Variants in ESPN observed in about 807,000 individuals in gnomAD.
ESPN encodes espin.
Under a neutral mutation model 77.7 loss-of-function variants are expected in ESPN, and 68 were observed. The ratio of observed to expected loss-of-function variants is 0.87; its 90% CI spans 0.72 to 1.07. The LOEUF is 1.07. Ranked by LOEUF, ESPN falls within the 50% of genes least tolerant of loss-of-function variation. The probability of loss-of-function intolerance (pLI) is 0.00; values close to 1 mark genes in which losing one functional copy is unlikely to be tolerated. For missense variants in ESPN, 1,060 were observed against 1,239.0 expected, an observed-to-expected ratio of 0.86 and a Z score of 2.17; for synonymous variants, 449 against 567.1, an observed-to-expected ratio of 0.79 and a Z score of 2.96.
At chr1:6,448,015 C>CT (rs1643880537) in intron 7 of ESPN, 1 of 152,208 alleles carries the variant, frequency 6.6e-6, no homozygotes, top group African/African-American at 2.4e-5. Context: ...GCTGGCTGTG[C>CT]GCGGGTGGCT....
intron 6 of ESPN, 55 bp downstream of exon 6, chr1:6,444,737 T>C: frequency 6.2e-7 from 1 of 1,606,146 alleles, no homozygotes; most frequent in Non-Finnish European, 8.5e-7. Flanking sequence ...GCCAGACTGC[T>C]GGGCTGTGAG....
chr1:6,456,031 C>T, intron 10 of ESPN: 1 of 396,924 alleles, frequency 2.5e-6, no homozygotes, highest in Non-Finnish European at 4.4e-6. Flanking sequence ...CCCCCGCCCG[C>T]CGCGCCTCCC....
In ESPN at chr1:6,440,962, C is replaced by T. The variant is rs146588006; in HGVS notation, c.887C>T (p.Ala296Val). ...ECCQILVVNGAELDVRDRDGY... is the reference protein window; with the variant it reads ...ECCQILVVNGVELDVRDRDGY... The stretch of plus-strand genomic sequence containing the variant: ...TGCCAGATCCTGGTAGTGAACGGCG[C>T]GGAGCTGGACGTCCGCGACCGCGAC... The change falls in exon 5 of 13, where the codon GCG (alanine) becomes GTG (valine). Residue 296 changes from alanine to valine, a missense_variant. Physicochemically the swap from Ala to Val is moderately conservative, Grantham distance 64. Coordinates refer to ENST00000645284, the MANE Select transcript of ESPN (RefSeq NM_031475.3). 222 of 1,598,038 alleles carry T rather than the reference C, an allele frequency of 1.4e-4. 1 individual carries two copies. The African/African-American group carries it at 2.8e-3, about 20-fold the overall frequency.
intron 12 of ESPN, 45 bp downstream of exon 12, chr1:6,457,417 A>C: frequency 6.2e-7 from 1 of 1,614,054 alleles, no homozygotes; most frequent in South Asian, 1.1e-5. Flanking sequence ...ATCCCCACCC[A>C]AGTCGCAGAG....
At chr1:6,439,536 G>C (rs1487427380) in intron 2 of ESPN, among the ~76,000 whole-genome samples, 5 of 152,170 alleles carry the variant, frequency 3.3e-5, no homozygotes, top group Non-Finnish European at 7.3e-5. Flanking sequence ...AATAAATCAG[G>C]GTGGCCCTCA....
intron 2 of ESPN, among the ~76,000 whole-genome samples, chr1:6,439,015 G>A (rs946971988): frequency 3.3e-5 from 5 of 152,200 alleles, no homozygotes; most frequent in Non-Finnish European, 7.3e-5. Context: ...GGGAGGCTGA[G>A]GCAGGAGAAT....
In ESPN at chr1:6,440,581, CT is replaced by C. The variant is rs1643593061; in HGVS notation, c.676-44del. The C allele has an allele frequency of 1.1e-5, 12 of 1,044,332 alleles. 1 individual carries two copies. In the South Asian group the frequency reaches 1.5e-4, roughly 13 times the overall value. 64.7% of individuals were successfully genotyped at this position (1,044,332 alleles called of 1,614,324 possible). A position where few individuals can be genotyped will look rare whatever the true frequency, so the allele number is the denominator to read the frequency against. On this transcript the variant is annotated intron_variant, in intron 3 of 12. Coordinates refer to ENST00000645284, the MANE Select transcript of ESPN (RefSeq NM_031475.3). Reference sequence around the variant, plus strand: ...GTACAGGGGGCGGGCCTACAGGGGCCTGGCGCCCAGCCCCCGCCCCCCTCTC... The same window carrying C: ...GTACAGGGGGCGGGCCTACAGGGGCCGGCGCCCAGCCCCCGCCCCCCTCTC...
intron 10 of ESPN, 46 bp from the exon 11 acceptor site, chr1:6,457,138 A>G (rs1422988390): frequency 6.4e-7 from 1 of 1,550,562 alleles, no homozygotes; most frequent in Non-Finnish European, 8.7e-7. Context: ...GGTGCCCCCT[A>G]TCTCCCAGCC....
chr1:6,440,681 T>C lies in ESPN; in HGVS notation c.731T>C (p.Met244Thr), dbSNP rs745396109. 17 of 1,364,910 alleles carry C rather than the reference T, an allele frequency of 1.2e-5. No homozygotes were observed. Among genetic ancestry groups the C allele is most frequent in the Admixed American group, 8.6e-5 (4 of 46,698 alleles). The allele number at this position is 1,364,910 out of a possible 1,614,324, so 84.5% of individuals were successfully genotyped here. A position where few individuals can be genotyped will look rare whatever the true frequency, so the allele number is the denominator to read the frequency against. The change falls in exon 4 of 13, where the codon ATG becomes ACG. Residue 244 changes from methionine (M) to threonine (T), a missense_variant. Physicochemically the swap from Met to Thr is moderately conservative, Grantham distance 81 (BLOSUM62 -1). This residue lies in a region of ESPN where 556 missense variants were observed against 633.6 expected (regional missense o/e 0.88). Coordinates refer to ENST00000645284, the MANE Select transcript of ESPN (RefSeq NM_031475.3). The part of the protein sequence containing the change: ...SEQDKDGATA[M>T]HFAASRGHTK... ...CAGGACAAAGACGGCGCCACCGCCATGCACTTCGCGGCGAGCCGCGGCCAC... is the reference window on the plus strand; with the variant it reads ...CAGGACAAAGACGGCGCCACCGCCACGCACTTCGCGGCGAGCCGCGGCCAC...
rs182544254 is a variant in ESPN, at chr1:6,430,572, G to A, written c.488+2153G>A. 4.5e-3 allele frequency among the ~76,000 whole-genome samples: 680 copies of A among 152,308 alleles called. 3 individuals are homozygous for A. Among genetic ancestry groups the A allele is most frequent in the Middle Eastern group, 0.01 (3 of 294 alleles). ...CACTGACCTCAGGGGCTGCTGCCAC[G>A]CGGGACCCTCCCTCTGAGCCCTTGT... On this transcript the variant is annotated intron_variant, in intron 2 of 12. Transcript: ENST00000645284.
At position 6,450,336 on chromosome 1, in the gene ESPN, C is replaced by T. The variant is rs1643922421; in HGVS notation, c.1915+1245C>T. The T allele has an allele frequency of 1.6e-5, 4 of 246,774 alleles. No individual in the cohort carries two copies. The highest frequency in any genetic ancestry group is 2.6e-5 in the Non-Finnish European group (4 of 154,658). 15.3% of individuals were successfully genotyped at this position (246,774 alleles called of 1,614,324 possible). On this transcript the variant is annotated intron_variant, in intron 8 of 12. Coordinates refer to ENST00000645284, the MANE Select transcript of ESPN (RefSeq NM_031475.3). This position sits in a 1 kb window ranked among gnomAD's most constrained non-coding sequence, Gnocchi z 4.3. ...AAGCTCCTCCTCTCTTCTCCACTTC[C>T]CCCCCGCCCGCTCTCCCTGGCCCGC...
chr1:6,457,102 T>C (rs1264817032), intron 10 of ESPN, 82 bp from the exon 11 acceptor site: 1 of 1,350,348 alleles, frequency 7.4e-7, no homozygotes, highest in East Asian at 2.5e-5. Flanking sequence ...CCTGTGACCC[T>C]GACTCCTTCA....
chr1:6,455,251 A>G (rs1400986007), intron 10 of ESPN: 3 of 389,690 alleles, frequency 7.7e-6, no homozygotes, highest in African/African-American at 2.1e-5. Flanking sequence ...CGCGGCGTCC[A>G]GGACTACCTC....
chr1:6,430,305 G>C (rs1159230654), intron 2 of ESPN, among the ~76,000 whole-genome samples: 1 of 152,240 alleles, frequency 6.6e-6, no homozygotes. Flanking sequence ...TCCCGGACCT[G>C]CTGGTGGGAA....
chr1:6,461,270 G>T, downstream of ESPN: 1 of 892,264 alleles, frequency 1.1e-6, no homozygotes, highest in Non-Finnish European at 1.8e-6. This position sits in a 1 kb window ranked among gnomAD's most constrained non-coding sequence, Gnocchi z 6.3. Flanking sequence ...TCTTCGCCTT[G>T]GCTGGAGCGA....
chr1:6,432,386 G>A (rs1167780205), intron 2 of ESPN, among the ~76,000 whole-genome samples: 1 of 152,212 alleles, frequency 6.6e-6, no homozygotes, highest in Non-Finnish European at 1.5e-5. Context: ...AGCAGGGCGT[G>A]GGGGCAGGGC....
rs1193435529 is a variant in ESPN, at chr1:6,449,061, G to C, written c.1885G>C (p.Gly629Arg). ...CCTCGAGAGCGCTGGCCCTGGCTGC[G>C]GGCAGCGCCGCTCCTCCTCGTCCAC... ...LPLESAGPGC[G>R]QRRSSSSTGS... Residue 629 changes from glycine (G) to arginine (R), a missense_variant, in exon 8 of 13, where the codon GGG (glycine) becomes CGG (arginine). This residue lies in a region of ESPN where 374 missense variants were observed against 381.4 expected (regional missense o/e 0.98). Coordinates refer to ENST00000645284, the MANE Select transcript of ESPN (RefSeq NM_031475.3). The C allele has an allele frequency of 1.3e-6, 2 of 1,483,526 alleles. No individual in the cohort carries two copies. The highest frequency in any genetic ancestry group is 2.9e-5 in the East Asian group (1 of 34,854). The allele number at this position is 1,483,526 out of a possible 1,614,324, so 91.9% of individuals were successfully genotyped here. A position where few individuals can be genotyped will look rare whatever the true frequency, so the allele number is the denominator to read the frequency against.
rs1212040013 is a variant in ESPN, at chr1:6,450,039, C to T, written c.1915+948C>T. ...GAGCCCATGTAAGCAAGTCCAGCAC[C>T]TGCCGAACCTCCTTCTTCCCTCCAC... On this transcript the variant is annotated intron_variant, in intron 8 of 12. Transcript: ENST00000645284. This position sits in a 1 kb window ranked among gnomAD's most constrained non-coding sequence, Gnocchi z 4.3. 6.6e-6 allele frequency among the ~76,000 whole-genome samples: 1 copy of T among 152,226 alleles called. No individual in the cohort carries two copies. The highest frequency in any genetic ancestry group is 1.5e-5 in the Non-Finnish European group (1 of 68,034).
At chr1:6,457,137 T>G in intron 10 of ESPN, 47 bp from the exon 11 acceptor site, 1 of 1,548,552 alleles carries the variant, frequency 6.5e-7, no homozygotes, top group East Asian at 2.4e-5. Flanking sequence ...GGGTGCCCCC[T>G]ATCTCCCAGC....
Sources: gnomAD v4.1 joint callset for allele counts (sites outside exome capture counted in the v4.1 genomes callset) on GRCh38, gnomAD v4.1.1 for gene constraint, gnomAD v4.1.1 regional missense constraint, Gnocchi (gnomAD v3.1) non-coding constraint, MANE v1.5 for transcripts, NCBI Gene and HGNC (gene_info 2026-07-23, HGNC 2026-07-21) for gene names.